Variants in SMC6 observed in about 807,000 individuals in gnomAD.
SMC6 encodes the protein structural maintenance of chromosomes 6.
A neutral mutation model predicts 142.2 loss-of-function variants in SMC6; 79 were observed. The observed-to-expected ratio is 0.56, with a 90% CI of 0.46 to 0.67. The LOEUF is 0.67. Among genes scored for constraint, SMC6 ranks in the 30% least tolerant of loss-of-function variants. The pLI is 0.00. For synonymous variants in SMC6, 411 were observed against 412.4 expected, an observed-to-expected ratio of 1.00 and a Z score of 0.04; for missense variants, 1,072 against 1,284.0, an observed-to-expected ratio of 0.83 and a Z score of 2.52.
intron 24 of SMC6, chr2:17,680,239 T>C (rs1414340397): frequency 6.6e-6 from 1 of 152,176 alleles, no homozygotes; most frequent in Admixed American, 6.6e-5. Context: ...TGGTGAAGAA[T>C]CATATGAAGG....
chr2:17,669,107 A>C (rs561298642), intron 26 of SMC6, among the ~76,000 whole-genome samples: 1 of 152,210 alleles, frequency 6.6e-6, no homozygotes, highest in Admixed American at 6.5e-5. Flanking sequence ...GTCTTAAAGG[A>C]GAAGCGGACA....
Position 17,745,811 on chromosome 2 carries a change from G to A in SMC6, c.120+16C>T. On this transcript the variant is annotated intron_variant, in intron 3 of 27. Transcript: ENST00000448223. The stretch of plus-strand genomic sequence containing the variant: ...AAAACATATCAAAAAGCATAATTTT[G>A]TAATTTTTCGCTTACCAAAGTAGTA... The A allele has an allele frequency of 1.3e-6, 2 of 1,587,636 alleles. No homozygotes were observed. Among genetic ancestry groups the A allele is most frequent in the Non-Finnish European group, 1.7e-6 (2 of 1,170,160 alleles).
chr2:17,706,072 G>A (rs1015588797), intron 18 of SMC6, among the ~76,000 whole-genome samples: 3 of 152,100 alleles, frequency 2.0e-5, no homozygotes, highest in Non-Finnish European at 4.4e-5. Context: ...GTTTCCTGAT[G>A]TGTCTTGTGC....
At chr2:17,682,593 G>A (rs112883962) in intron 24 of SMC6, among the ~76,000 whole-genome samples, 36 of 152,192 alleles carry the variant, frequency 2.4e-4, no homozygotes, top group African/African-American at 6.5e-4. Context: ...AAGTAATTCC[G>A]ACAGCTCACA....
intron 7 of SMC6, among the ~76,000 whole-genome samples, chr2:17,726,956 T>C (rs1330455945): frequency 6.6e-6 from 1 of 152,238 alleles, no homozygotes; most frequent in Non-Finnish European, 1.5e-5. Flanking sequence ...AACTCAGTTA[T>C]TTCTAATGAG....
At chr2:17,753,324 T>TGGGGAAGGCCGCCTGGGA (rs1671167240) in intron 1 of SMC6, among the ~76,000 whole-genome samples, 1 of 123,630 alleles carries the variant, frequency 8.1e-6, no homozygotes, top group African/African-American at 3.3e-5. Flanking sequence ...CGGGAGAGTC[T>TGGGGAAGGCCGCCTGGGA]GGGGACGGCC....
chr2:17,669,167 A>C (rs1028149841), intron 26 of SMC6, among the ~76,000 whole-genome samples: 1 of 152,192 alleles, frequency 6.6e-6, no homozygotes, highest in African/African-American at 2.4e-5. Flanking sequence ...CAGATGTCAA[A>C]GGTAGGTGAC....
At chr2:17,687,418 A>G (rs116325484) in intron 23 of SMC6, among the ~76,000 whole-genome samples, 485 of 152,310 alleles carry the variant, frequency 3.2e-3, no homozygotes, top group African/African-American at 0.011. Flanking sequence ...ACAGAGTACA[A>G]TGAAGCTGTA....
At chr2:17,666,154 C>G (rs890728987) in intron 27 of SMC6, among the ~76,000 whole-genome samples, 2 of 152,238 alleles carry the variant, frequency 1.3e-5, no homozygotes, top group African/African-American at 4.8e-5. Flanking sequence ...AATTATATTA[C>G]TTTAGTTTGT....
intron 11 of SMC6, among the ~76,000 whole-genome samples, 187 bp downstream of exon 11, chr2:17,720,753 C>T (rs1669326929): frequency 6.6e-6 from 1 of 152,102 alleles, no homozygotes; most frequent in African/African-American, 2.4e-5. Flanking sequence ...ATAGAGTACT[C>T]TTTTCAAAAG....
rs148968387 is a variant in SMC6, at chr2:17,726,676, A to G, written c.544-207T>C. 1.6e-3 allele frequency among the ~76,000 whole-genome samples: 242 copies of G among 152,344 alleles called. 3 individuals carry two copies. The highest frequency in any genetic ancestry group is 5.5e-3 in the African/African-American group (229 of 41,588). On this transcript the variant is annotated intron_variant, in intron 7 of 27. Transcript: ENST00000448223. ...TAATTTAAAATTTCATTATACCAAC[A>G]TATATGGTATAGTTAACATTCAATA...
intron 15 of SMC6, 74 bp downstream of exon 15, chr2:17,716,012 C>T: frequency 1.6e-6 from 2 of 1,222,778 alleles, no homozygotes; most frequent in Non-Finnish European, 1.1e-6. Flanking sequence ...ATTTCGAAAA[C>T]TTCATTCAAT....
intron 5 of SMC6, among the ~76,000 whole-genome samples, chr2:17,732,886 C>T (rs944056439): frequency 5.3e-5 from 8 of 151,860 alleles, no homozygotes; most frequent in Admixed American, 3.9e-4. Context: ...GACTTACAGC[C>T]ACGCATATTT....
chr2:17,698,893 TCA>T (rs1375898153), intron 21 of SMC6, among the ~76,000 whole-genome samples: 1 of 152,102 alleles, frequency 6.6e-6, no homozygotes, highest in East Asian at 1.9e-4. Context: ...ACACCAAACA[TCA>T]CAGTCTCCTG....
chr2:17,731,034 G>A (rs1419830385), intron 7 of SMC6, 44 bp downstream of exon 7: 1 of 1,481,744 alleles, frequency 6.7e-7, no homozygotes, highest in East Asian at 2.3e-5. Flanking sequence ...CTAAAAAAAT[G>A]ACAAGGTGTA....
intron 3 of SMC6, among the ~76,000 whole-genome samples, chr2:17,742,468 G>T (rs1670520855): frequency 6.6e-6 from 1 of 152,174 alleles, no homozygotes; most frequent in African/African-American, 2.4e-5. Flanking sequence ...CATTAAGTTA[G>T]ATAAGGTTTA....
intron 2 of SMC6, among the ~76,000 whole-genome samples, chr2:17,749,416 G>A (rs1196485732): frequency 5.3e-5 from 8 of 152,270 alleles, no homozygotes; most frequent in South Asian, 4.1e-4. Flanking sequence ...ATGGCCGGGC[G>A]CGGTGGTTCA....
At chr2:17,726,366 A>G (rs537208976) in intron 8 of SMC6, 23 bp downstream of exon 8, 2 of 1,573,548 alleles carry the variant, frequency 1.3e-6, no homozygotes, top group Admixed American at 3.4e-5. Context: ...AAATGGGTTT[A>G]TATTTACTTT....
At chr2:17,747,881 G>A (rs1384732690) in intron 2 of SMC6, among the ~76,000 whole-genome samples, 1 of 152,164 alleles carries the variant, frequency 6.6e-6, no homozygotes, top group Non-Finnish European at 1.5e-5. Flanking sequence ...CACAAGCCAT[G>A]TAACCTCTGG....
Sources: gnomAD v4.1 joint callset for allele counts (sites outside exome capture counted in the v4.1 genomes callset) on GRCh38, gnomAD v4.1.1 for gene constraint, MANE v1.5 for transcripts, NCBI Gene and HGNC (gene_info 2026-07-23, HGNC 2026-07-21) for gene names.